Variants in PRELID2 observed in about 807,000 individuals in gnomAD.
PRELID2 encodes PRELI domain-containing protein 2.
PRELID2 carries 25 observed loss-of-function variants against 28.4 expected under a neutral mutation model. The observed-to-expected ratio is 0.88, with a 90% CI of 0.64 to 1.23. PRELID2 has a LOEUF of 1.23. Ranked by LOEUF, PRELID2 falls within the 50% of genes most tolerant of loss-of-function variation. PRELID2 has a pLI of 0.00. For synonymous variants in PRELID2, 76 were observed against 71.6 expected (o/e 1.06, Z -0.31); for missense variants, 201 against 214.4 (o/e 0.94, Z 0.39).
chr5:145,361,016 A>G, the PRELID2 span, among the ~76,000 whole-genome samples: 1 of 152,202 alleles, frequency 6.6e-6, no homozygotes, highest in Non-Finnish European at 1.5e-5. Flanking sequence ...CAAGGTTGTT[A>G]AAAGGATTAA....
In PRELID2 at chr5:145,492,810, G is replaced by A. The variant is rs1752280011; in HGVS notation, n.71-19495C>T. Among the ~76,000 whole-genome samples, 3 of 140,914 alleles carry A rather than the reference G, an allele frequency of 2.1e-5. 1 individual carries two copies. Among genetic ancestry groups the A allele is most frequent in the South Asian group, 5.3e-4 (2 of 3,774 alleles). The allele number at this position is 140,914 out of a possible 152,430, so 92.4% of individuals were successfully genotyped here. A position where few individuals can be genotyped will look rare whatever the true frequency, so the allele number is the denominator to read the frequency against. ...CCAGAAGTGGTGCAGGCCAGAGATT[G>A]AGTCCACCACACAAGGCTGAAGCCT... is the stretch of plus-strand genomic sequence containing the variant. On this transcript the variant is annotated intron_variant and non_coding_transcript_variant, in intron 1 of 2. Coordinates refer to the PRELID2 transcript ENST00000510259.
At chr5:145,517,916 T>C (rs1304998584) in intron 1 of PRELID2, among the ~76,000 whole-genome samples, 5 of 152,022 alleles carry the variant, frequency 3.3e-5, no homozygotes, top group African/African-American at 4.8e-5. Flanking sequence ...TTGCATGTTC[T>C]CACTCATAAG....
chr5:145,344,900 C>T, the PRELID2 span, among the ~76,000 whole-genome samples: 1 of 152,086 alleles, frequency 6.6e-6, no homozygotes, highest in South Asian at 2.1e-4. Context: ...ATTACTTTTA[C>T]TGATTTTTAA....
At chr5:145,542,786 TGTC>T (rs1170036499) in intron 1 of PRELID2, among the ~76,000 whole-genome samples, 2 of 107,600 alleles carry the variant, frequency 1.9e-5, no homozygotes, top group African/African-American at 9.2e-5. Flanking sequence ...TCTTTCTTTC[TGTC>T]TTTTTCTCTT....
chr5:145,639,474 C>A (rs1407343444), intron 1 of PRELID2, among the ~76,000 whole-genome samples: 6 of 152,134 alleles, frequency 3.9e-5, no homozygotes, highest in Non-Finnish European at 7.4e-5. Context: ...AAAACTGTCT[C>A]AAACATTTAG....
chr5:145,381,685 A>T, the PRELID2 span: 3 of 152,630 alleles, frequency 2.0e-5, no homozygotes, highest in East Asian at 5.8e-4. Flanking sequence ...ATACCTCAGA[A>T]GTAAATGCTA....
At chr5:145,361,350 G>C in the PRELID2 span, among the ~76,000 whole-genome samples, 1 of 152,154 alleles carries the variant, frequency 6.6e-6, no homozygotes, top group African/African-American at 2.4e-5. Context: ...GCTGAAGACC[G>C]AGTGGCAGAG....
chr5:145,386,297 C>A, the PRELID2 span, among the ~76,000 whole-genome samples: 3 of 152,044 alleles, frequency 2.0e-5, no homozygotes, highest in Non-Finnish European at 4.4e-5. Context: ...GATTCAATTA[C>A]CTTCCACCAG....
At chr5:145,315,999 T>G in the PRELID2 span, among the ~76,000 whole-genome samples, 1 of 152,254 alleles carries the variant, frequency 6.6e-6, no homozygotes, top group Non-Finnish European at 1.5e-5. Context: ...GTTATTTACC[T>G]CTCTTGTATC....
intron 4 of PRELID2, among the ~76,000 whole-genome samples, chr5:145,808,755 A>G (rs896023905): frequency 2.6e-5 from 4 of 152,086 alleles, no homozygotes; most frequent in Admixed American, 2.6e-4. Context: ...GCATGGTAGC[A>G]CACACCTATA....
chr5:145,706,189 C>T (rs1003845090), intron 1 of PRELID2, among the ~76,000 whole-genome samples: 11 of 152,128 alleles, frequency 7.2e-5, no homozygotes, highest in Non-Finnish European at 1.6e-4. Context: ...ACAACTCCAC[C>T]AAGGTCCCCT....
chr5:145,458,170 G>C, the PRELID2 span, among the ~76,000 whole-genome samples: 1 of 152,066 alleles, frequency 6.6e-6, no homozygotes, highest in Non-Finnish European at 1.5e-5. Context: ...ACTTTAGTAA[G>C]ATACAAAAAA....
intron 4 of PRELID2, among the ~76,000 whole-genome samples, chr5:145,798,855 A>C (rs1052220043): frequency 2.6e-5 from 4 of 152,086 alleles, no homozygotes; most frequent in African/African-American, 7.2e-5. Context: ...GGGGAACATC[A>C]CACACCAGGG....
the PRELID2 span, among the ~76,000 whole-genome samples, chr5:145,247,071 T>C: frequency 5.3e-5 from 8 of 152,168 alleles, no homozygotes; most frequent in African/African-American, 1.9e-4. Context: ...GATCAGTGCT[T>C]GAGATATTTT....
At chr5:145,484,492 T>C (rs940059959) in intron 1 of PRELID2, among the ~76,000 whole-genome samples, 8 of 152,234 alleles carry the variant, frequency 5.3e-5, no homozygotes, top group Admixed American at 2.0e-4. Flanking sequence ...CCTTATTCAT[T>C]GATACATTGA....
intron 1 of PRELID2, among the ~76,000 whole-genome samples, chr5:145,586,609 T>G (rs1753157167): frequency 6.6e-6 from 1 of 152,180 alleles, no homozygotes; most frequent in Non-Finnish European, 1.5e-5. Context: ...ATTTATTCCC[T>G]TATTCCCTCA....
At chr5:145,496,871 G>A (rs756226657) in intron 1 of PRELID2, among the ~76,000 whole-genome samples, 26 of 151,670 alleles carry the variant, frequency 1.7e-4, no homozygotes, top group South Asian at 6.3e-4. Context: ...GGTTTTGTTC[G>A]TTTTTTTTAG....
At chr5:145,338,050 A>T in the PRELID2 span, 1 of 152,172 alleles carries the variant, frequency 6.6e-6, no homozygotes, top group African/African-American at 2.4e-5. Context: ...TCAAAAACAA[A>T]TAAAACATGT....
At chr5:145,621,690 G>T (rs929167040) in intron 1 of PRELID2, among the ~76,000 whole-genome samples, 3 of 152,190 alleles carry the variant, frequency 2.0e-5, no homozygotes, top group Non-Finnish European at 4.4e-5. Flanking sequence ...GGGCATCAAA[G>T]GGTAGGGGGA....
Sources: gnomAD v4.1 joint callset for allele counts (sites outside exome capture counted in the v4.1 genomes callset) on GRCh38, gnomAD v4.1.1 for gene constraint, MANE v1.5 for transcripts, NCBI Gene and HGNC (gene_info 2026-07-23, HGNC 2026-07-21) for gene names.